Variants in LRBA observed in about 807,000 individuals in gnomAD.
LRBA encodes the protein LPS responsive beige-like anchor protein.
Under a neutral mutation model 330.0 loss-of-function variants are expected in LRBA, and 176 were observed. The ratio of observed to expected loss-of-function variants is 0.53; its 90% CI spans 0.47 to 0.60. LRBA has a LOEUF of 0.60. Ranked by LOEUF, LRBA falls within the 20% of genes least tolerant of loss-of-function variation. The probability of loss-of-function intolerance (pLI) is 0.00; values close to 1 mark genes in which losing one functional copy is unlikely to be tolerated. For synonymous variants in LRBA, 1,230 were observed against 1,193.0 expected (o/e 1.03, Z -0.64); for missense variants, 3,259 against 3,444.8 (o/e 0.95, Z 1.35).
intron 44 of LRBA, among the ~76,000 whole-genome samples, chr4:150,444,700 G>C (rs1752361980): frequency 6.6e-6 from 1 of 152,078 alleles, no homozygotes; most frequent in Non-Finnish European, 1.5e-5. Context: ...TTAATCCCTT[G>C]AAAACACATC....
intron 37 of LRBA, among the ~76,000 whole-genome samples, chr4:150,669,134 G>A (rs997150685): frequency 6.6e-6 from 1 of 152,112 alleles, no homozygotes; most frequent in African/African-American, 2.4e-5. Flanking sequence ...TGAAAAGTGA[G>A]AGTAACTGAA....
intron 40 of LRBA, among the ~76,000 whole-genome samples, chr4:150,541,148 G>C (rs563643347): frequency 1.3e-5 from 2 of 152,202 alleles, no homozygotes; most frequent in African/African-American, 4.8e-5. Context: ...ATAAAGGCTC[G>C]GGGTTCTATT....
intron 22 of LRBA, among the ~76,000 whole-genome samples, chr4:150,858,024 A>G (rs2126944491): frequency 6.6e-6 from 1 of 152,200 alleles, no homozygotes; most frequent in Admixed American, 6.5e-5. Flanking sequence ...GAAGACTAAA[A>G]GGTCTCGCAC....
At chr4:150,304,194 A>G (rs1730063251) in intron 52 of LRBA, among the ~76,000 whole-genome samples, 1 of 152,200 alleles carries the variant, frequency 6.6e-6, no homozygotes, top group Non-Finnish European at 1.5e-5. Flanking sequence ...TTAACCCGTA[A>G]TACATTGTAA....
chr4:150,818,532 C>CTGTGTGTGTGTGTGTG (rs74479974), intron 30 of LRBA, among the ~76,000 whole-genome samples: 51 of 145,902 alleles, frequency 3.5e-4, no homozygotes, highest in East Asian at 1.0e-3. Flanking sequence ...TGACGAATGT[C>CTGTGTGTGTGTGTGTG]TGTGTGTGTG....
intron 38 of LRBA, among the ~76,000 whole-genome samples, chr4:150,593,727 C>T (rs1314395772): frequency 1.3e-5 from 2 of 151,892 alleles, no homozygotes; most frequent in East Asian, 1.9e-4. Context: ...AACTAAACAC[C>T]CTGCTCATTA....
In LRBA at chr4:150,652,056, C is replaced by T. The variant is rs563202729; in HGVS notation, c.5921+31495G>A. On this transcript the variant is annotated intron_variant, in intron 37 of 56. Transcript: ENST00000651943. Reference sequence around the variant, plus strand: ...ATGGGGTTTTGCCATGTTGCCCAAGCTGGTCGCAAACTCAAGCAATCCAGC... The same window carrying T: ...ATGGGGTTTTGCCATGTTGCCCAAGTTGGTCGCAAACTCAAGCAATCCAGC... Among the ~76,000 whole-genome samples, 3 of 152,194 alleles carry T rather than the reference C, an allele frequency of 2.0e-5. No homozygotes were observed. The East Asian group carries it at 5.8e-4, about 29-fold the overall frequency.
intron 30 of LRBA, among the ~76,000 whole-genome samples, chr4:150,824,996 C>T (rs1704771610): frequency 6.6e-6 from 1 of 151,570 alleles, no homozygotes; most frequent in Non-Finnish European, 1.5e-5. Context: ...AATTCCTGGA[C>T]TCAAGCAATC....
chr4:151,003,396 C>T (rs376284194), intron 2 of LRBA, among the ~76,000 whole-genome samples: 4 of 88,928 alleles, frequency 4.5e-5, no homozygotes, highest in Non-Finnish European at 7.1e-5. Flanking sequence ...GATTCGGTTT[C>T]AAAAAAAAAA....
chr4:150,696,669 T>C (rs1784642747), intron 36 of LRBA, among the ~76,000 whole-genome samples: 1 of 152,092 alleles, frequency 6.6e-6, no homozygotes, highest in African/African-American at 2.4e-5. Context: ...CAAAGAGTTA[T>C]AGACAGTATG....
chr4:150,331,235 A>G (rs1354824881), intron 48 of LRBA, among the ~76,000 whole-genome samples: 1 of 152,174 alleles, frequency 6.6e-6, no homozygotes, highest in African/African-American at 2.4e-5. Context: ...TCAGCCCTCT[A>G]TATAGAGCAA....
chr4:150,554,414 G>A (rs1016677611), intron 40 of LRBA, among the ~76,000 whole-genome samples: 1 of 152,168 alleles, frequency 6.6e-6, no homozygotes, highest in African/African-American at 2.4e-5. Flanking sequence ...AGCCAGGACA[G>A]AAATCAGAAA....
Position 150,282,436 on chromosome 4 carries a change from C to A in LRBA, c.8316+14G>T. The A allele has an allele frequency of 6.2e-7, 1 of 1,611,112 alleles. No individual in the cohort carries two copies. The highest frequency in any genetic ancestry group is 1.3e-5 in the African/African-American group (1 of 74,930). ...TAAAAGTCGTGAATGCTGAAGAGTC[C>A]CCAGGGCACTCACTCTTATGTTATC... On this transcript the variant is annotated intron_variant, in intron 55 of 56. Transcript: ENST00000651943.
chr4:150,809,336 C>T lies in LRBA; in HGVS notation c.5306-938G>A, dbSNP rs761048077. Among the ~76,000 whole-genome samples the T allele has an allele frequency of 2.8e-4, 42 of 152,072 alleles. 1 individual carries two copies. Among genetic ancestry groups the T allele is most frequent in the Admixed American group, 4.6e-4 (7 of 15,258 alleles). Reference sequence around the variant, plus strand: ...GATCTTGGTTTCTAAATACTATACTCCACTAAAAGAAAGAAATGGCTGATT... The same window carrying T: ...GATCTTGGTTTCTAAATACTATACTTCACTAAAAGAAAGAAATGGCTGATT... On this transcript the variant is annotated intron_variant, in intron 31 of 56. Coordinates refer to ENST00000651943, the MANE Select transcript of LRBA (RefSeq NM_001364905.1).
At chr4:150,558,798 A>G (rs1270060791) in intron 40 of LRBA, among the ~76,000 whole-genome samples, 3 of 152,224 alleles carry the variant, frequency 2.0e-5, no homozygotes, top group Non-Finnish European at 2.9e-5. Flanking sequence ...TTGTATTTAT[A>G]TTAAGCTAAA....
At chr4:150,506,836 C>G (rs1348113537) in intron 40 of LRBA, among the ~76,000 whole-genome samples, 2 of 152,174 alleles carry the variant, frequency 1.3e-5, no homozygotes, top group Admixed American at 1.3e-4. Flanking sequence ...ACCCCATTGT[C>G]TCAGGCCAAA....
At position 150,287,598 on chromosome 4, in the gene LRBA, C is replaced by G. The variant is rs1411438361; in HGVS notation, c.8018-1564G>C. 2.0e-5 allele frequency among the ~76,000 whole-genome samples: 3 copies of G among 152,210 alleles called. No individual in the cohort carries two copies. In the East Asian group the frequency reaches 5.8e-4, roughly 29 times the overall value. On this transcript the variant is annotated intron_variant, in intron 53 of 56. Transcript: ENST00000651943. ...TGCACGGCCATGTCCCTACAATGTC[C>G]TTCAAGGCTTTGGTGACTGTAGGTA...
intron 47 of LRBA, among the ~76,000 whole-genome samples, chr4:150,362,392 C>G (rs1296355603): frequency 6.6e-6 from 1 of 152,140 alleles, no homozygotes; most frequent in East Asian, 1.9e-4. Flanking sequence ...CAAACTGTTT[C>G]TTTATCTCTA....
intron 41 of LRBA, among the ~76,000 whole-genome samples, chr4:150,489,129 G>GACTATAT (rs1758333341): frequency 1.6e-5 from 1 of 61,636 alleles, no homozygotes; most frequent in Admixed American, 2.5e-4. Context: ...TAATATATAA[G>GACTATAT]AATATATAAT....
Sources: gnomAD v4.1 joint callset for allele counts (sites outside exome capture counted in the v4.1 genomes callset) on GRCh38, gnomAD v4.1.1 for gene constraint, MANE v1.5 for transcripts, NCBI Gene and HGNC (gene_info 2026-07-23, HGNC 2026-07-21) for gene names.